CTNND2: variants seen among roughly 807,000 people sequenced by gnomAD.
CTNND2 encodes the protein catenin delta-2.
In CTNND2, 22 loss-of-function variants were observed where a neutral mutation model predicts 144.4. That is an observed-to-expected ratio of 0.15 (90% CI 0.11 to 0.22). The LOEUF (loss-of-function observed/expected upper bound fraction) is 0.22, where lower values mean the gene tolerates loss of function less well. CTNND2 is among the 10% of genes least tolerant of loss of function. The pLI is 1.00. For synonymous variants in CTNND2, 751 were observed against 695.6 expected, an observed-to-expected ratio of 1.08 and a Z score of -1.25; for missense variants, 1,353 against 1,618.8, an observed-to-expected ratio of 0.84 and a Z score of 2.82.
chr5:11,175,673 A>G (rs978654531), intron 11 of CTNND2, among the ~76,000 whole-genome samples: 8 of 151,368 alleles, frequency 5.3e-5, no homozygotes, highest in South Asian at 2.1e-4. Context: ...CTTACTATGT[A>G]CTAGAGTGTT....
chr5:11,725,307 A>C (rs1786949846), intron 2 of CTNND2, among the ~76,000 whole-genome samples: 1 of 152,240 alleles, frequency 6.6e-6, no homozygotes, highest in African/African-American at 2.4e-5. Context: ...TTTTCTCTAC[A>C]GATACAATTA....
At chr5:11,047,285 G>A (rs1443067869) in intron 16 of CTNND2, among the ~76,000 whole-genome samples, 1 of 152,162 alleles carries the variant, frequency 6.6e-6, no homozygotes, top group Non-Finnish European at 1.5e-5. Flanking sequence ...AGCGGGACTG[G>A]GCAACTGGTT....
intron 2 of CTNND2, among the ~76,000 whole-genome samples, chr5:11,632,795 CAG>C (rs1328587495): frequency 6.6e-6 from 1 of 151,906 alleles, no homozygotes; most frequent in East Asian, 1.9e-4. Flanking sequence ...TTAATAAAAA[CAG>C]AAATTATTAA....
chr5:11,556,951 C>T (rs1030985897), intron 3 of CTNND2, among the ~76,000 whole-genome samples: 1 of 152,012 alleles, frequency 6.6e-6, no homozygotes, highest in African/African-American at 2.4e-5. Context: ...TATAGTAAAC[C>T]ATCACTCCAC....
chr5:11,080,948 G>A (rs766113486), intron 16 of CTNND2, among the ~76,000 whole-genome samples: 2 of 152,182 alleles, frequency 1.3e-5, no homozygotes, highest in African/African-American at 2.4e-5. Flanking sequence ...ATGGTGGCAC[G>A]TGTCTGTAGT....
chr5:11,564,852 A>G (rs1041417316), intron 3 of CTNND2, 92 bp downstream of exon 3: 3 of 824,932 alleles, frequency 3.6e-6, no homozygotes, highest in African/African-American at 3.4e-5. Context: ...GAATGTTCCA[A>G]TTCCACCACC....
At chr5:11,387,905 C>A (rs555931640) in intron 6 of CTNND2, among the ~76,000 whole-genome samples, 1 of 152,196 alleles carries the variant, frequency 6.6e-6, no homozygotes, top group Non-Finnish European at 1.5e-5. Context: ...ATGCTTTTTA[C>A]AAATACTTTA....
chr5:11,527,260 TA>T (rs1338082182), intron 3 of CTNND2, among the ~76,000 whole-genome samples: 1 of 152,100 alleles, frequency 6.6e-6, no homozygotes, highest in East Asian at 1.9e-4. Context: ...AAGAAAAAAC[TA>T]AGATGCAAAG....
chr5:11,642,472 C>G (rs371249854), intron 2 of CTNND2, among the ~76,000 whole-genome samples: 5 of 152,226 alleles, frequency 3.3e-5, no homozygotes, highest in African/African-American at 9.6e-5. Flanking sequence ...AAGCCAGCAG[C>G]ACAAACTCTG....
At chr5:11,344,946 T>G (rs1325752999) in intron 9 of CTNND2, among the ~76,000 whole-genome samples, 1 of 152,316 alleles carries the variant, frequency 6.6e-6, no homozygotes, top group Non-Finnish European at 1.5e-5. Flanking sequence ...TAAGCTAAAT[T>G]CCTAATATGA....
intron 12 of CTNND2, among the ~76,000 whole-genome samples, chr5:11,145,660 C>T (rs1003571789): frequency 1.6e-4 from 24 of 152,124 alleles, no homozygotes; most frequent in Non-Finnish European, 2.8e-4. Flanking sequence ...CCCTGCCCCA[C>T]CTCTCTAATC....
chr5:11,040,636 T>A (rs1318488317), intron 16 of CTNND2, among the ~76,000 whole-genome samples: 1 of 152,190 alleles, frequency 6.6e-6, no homozygotes, highest in Non-Finnish European at 1.5e-5. Context: ...TTAACTAGTA[T>A]AAGAATGGTT....
chr5:11,352,754 A>T (rs1355463193), intron 8 of CTNND2, among the ~76,000 whole-genome samples: 1 of 152,242 alleles, frequency 6.6e-6, no homozygotes, highest in African/African-American at 2.4e-5. Flanking sequence ...CAGGAAAAAA[A>T]CAACAAATGA....
At chr5:10,995,939 A>T (rs188892816) in intron 18 of CTNND2, among the ~76,000 whole-genome samples, 3 of 152,226 alleles carry the variant, frequency 2.0e-5, no homozygotes, top group African/African-American at 7.2e-5. Context: ...TGCTGAGAAT[A>T]AGGAAGGGTT....
rs142546607 is a variant in CTNND2 at position 11,075,103 on chromosome 5, G to A, written c.2788+7593C>T. On this transcript the variant is annotated intron_variant, in intron 16 of 21. Transcript: ENST00000304623. The stretch of plus-strand genomic sequence containing the variant: ...TTTTGTTCCTGATTTTGTTCACGTG[G>A]GAAAACATGAGTTGTGTAATGCTCA... Among the ~76,000 whole-genome samples the A allele has an allele frequency of 2.4e-3, 362 of 152,314 alleles. 4 individuals carry two copies. The highest frequency in any genetic ancestry group is 8.4e-3 in the African/African-American group (349 of 41,562).
chr5:11,762,938 C>T (rs1240993392), intron 1 of CTNND2, among the ~76,000 whole-genome samples: 3 of 152,128 alleles, frequency 2.0e-5, no homozygotes, highest in East Asian at 1.9e-4. Context: ...TACTGTTTGG[C>T]TCTGTGTCCC....
intron 9 of CTNND2, among the ~76,000 whole-genome samples, chr5:11,247,811 C>T (rs1380243234): frequency 1.3e-5 from 2 of 152,168 alleles, no homozygotes; most frequent in East Asian, 3.9e-4. Flanking sequence ...CATTAGATTA[C>T]AATGGATATC....
intron 1 of CTNND2, among the ~76,000 whole-genome samples, chr5:11,803,046 G>A (rs759481087): frequency 1.3e-5 from 2 of 152,176 alleles, no homozygotes; most frequent in Non-Finnish European, 2.9e-5. Context: ...TCCAGGACTG[G>A]CGTGGTGACT....
chr5:11,102,804 A>G lies in CTNND2; in HGVS notation c.2464-4056T>C, dbSNP rs577654571. Among the ~76,000 whole-genome samples, 10 of 152,262 alleles carry G rather than the reference A, an allele frequency of 6.6e-5. No homozygotes were observed. The East Asian group carries it at 1.7e-3, about 26-fold the overall frequency. ...GATATGGTCACCATCGGCACAGAGC[A>G]TACATAATGGCCCCTGTAAAAAAAG... On this transcript the variant is annotated intron_variant, in intron 14 of 21. Coordinates refer to ENST00000304623, the MANE Select transcript of CTNND2 (RefSeq NM_001332.4).
Sources: gnomAD v4.1 joint callset for allele counts (sites outside exome capture counted in the v4.1 genomes callset) on GRCh38, gnomAD v4.1.1 for gene constraint, MANE v1.5 for transcripts, NCBI Gene and HGNC (gene_info 2026-07-23, HGNC 2026-07-21) for gene names.